UXS1: variants seen among roughly 807,000 people sequenced by gnomAD.
The protein encoded by UXS1 is UDP-glucuronate decarboxylase 1.
In UXS1, 33 loss-of-function variants were observed where a neutral mutation model predicts 62.6. The ratio of observed to expected loss-of-function variants is 0.53; its 90% confidence interval spans 0.40 to 0.70. The LOEUF (loss-of-function observed/expected upper bound fraction) is 0.70. Ranked by LOEUF, UXS1 falls within the 30% of genes least tolerant of loss-of-function variation. The probability of loss-of-function intolerance (pLI) is 0.00; values close to 1 mark genes in which losing one functional copy is unlikely to be tolerated. For synonymous variants in UXS1, 213 were observed against 206.8 expected (o/e 1.03, Z -0.26); for missense variants, 434 against 556.3 (o/e 0.78, Z 2.21).
chr2:106,094,901 A>G (rs1676950359), intron 14 of UXS1, among the ~76,000 whole-genome samples: 1 of 152,254 alleles, frequency 6.6e-6, no homozygotes, highest in Admixed American at 6.5e-5. Context: ...ATGAAAACTT[A>G]TCAAATTGTA....
intron 10 of UXS1, among the ~76,000 whole-genome samples, chr2:106,107,168 T>C (rs1678155916): frequency 6.6e-6 from 1 of 152,162 alleles, no homozygotes; most frequent in South Asian, 2.1e-4. Flanking sequence ...CTCTCAAAGC[T>C]GAGCGCACAG....
At chr2:106,156,550 G>C (rs927877075) in intron 5 of UXS1, among the ~76,000 whole-genome samples, 4 of 152,076 alleles carry the variant, frequency 2.6e-5, no homozygotes, top group Non-Finnish European at 4.4e-5. Context: ...TATCCACAAG[G>C]AATTGGTTCC....
chr2:106,149,972 T>C (rs755406803), intron 5 of UXS1, among the ~76,000 whole-genome samples: 3 of 152,180 alleles, frequency 2.0e-5, no homozygotes, highest in Non-Finnish European at 4.4e-5. Context: ...TGATGAGGTC[T>C]CAGATGGAAA....
intron 6 of UXS1, among the ~76,000 whole-genome samples, chr2:106,130,268 A>C (rs183460387): frequency 6.6e-6 from 1 of 152,156 alleles, no homozygotes; most frequent in East Asian, 1.9e-4. Context: ...GGAGGGAGGG[A>C]GGTTTTTAAA....
At position 106,141,864 on chromosome 2, in the gene UXS1, T is replaced by TG. The variant is rs748708985; in HGVS notation, c.472+3325dup. Among the ~76,000 whole-genome samples the TG allele has an allele frequency of 4.3e-3, 322 of 75,066 alleles. 1 individual carries two copies. The highest frequency in any genetic ancestry group is 7.6e-3 in the Non-Finnish European group (220 of 29,060). 49.2% of individuals were successfully genotyped at this position (75,066 alleles called of 152,430 possible). A position where few individuals can be genotyped will look rare whatever the true frequency, so the allele number is the denominator to read the frequency against. On this transcript the variant is annotated intron_variant, in intron 6 of 14. Transcript: ENST00000283148. ...GAAAACAACTGGATGTTAGCTTCAG[T>TG]GTTTTTTTTTTGGTTTTTTTTTTTG... is the stretch of plus-strand genomic sequence containing the variant.
At chr2:106,142,739 G>C (rs1681219261) in intron 6 of UXS1, among the ~76,000 whole-genome samples, 2 of 152,188 alleles carry the variant, frequency 1.3e-5, no homozygotes, top group Admixed American at 6.5e-5. Flanking sequence ...CCAAGGTTGA[G>C]GACCCGCTGA....
intron 1 of UXS1, among the ~76,000 whole-genome samples, chr2:106,191,415 C>T (rs1684929142): frequency 6.6e-6 from 1 of 152,268 alleles, no homozygotes; most frequent in Admixed American, 6.5e-5. Context: ...TGAGGGACTA[C>T]ATTTTCAGTG....
Position 106,194,223 on chromosome 2 carries a change from G to C in UXS1, c.19C>G (p.Leu7Val). MVSKALLRLVSAVNRRR... is the reference protein window; with the variant it reads MVSKALVRLVSAVNRRR... ...CGGTTGACGGCAGACACGAGGCGCA[G>C]CAGCGCCTTGCTCACCATCCCCGGG... Residue 7 changes from leucine (L) to valine (V), a missense_variant, in exon 1 of 15, where the codon CTG becomes GTG. This residue lies in a region of UXS1 where 91 missense variants were observed against 71.1 expected (regional missense o/e 1.28). Coordinates refer to ENST00000283148, the MANE Select transcript of UXS1 (RefSeq NM_001253875.2). The C allele has an allele frequency of 6.9e-7, 1 of 1,457,196 alleles. No homozygotes were observed. The highest frequency in any genetic ancestry group is 9.1e-7 in the Non-Finnish European group (1 of 1,101,070). 90.3% of individuals were successfully genotyped at this position (1,457,196 alleles called of 1,614,324 possible). A position where few individuals can be genotyped will look rare whatever the true frequency, so the allele number is the denominator to read the frequency against.
At chr2:106,193,486 C>T (rs988038544) in intron 1 of UXS1, among the ~76,000 whole-genome samples, 2 of 152,058 alleles carry the variant, frequency 1.3e-5, no homozygotes, top group African/African-American at 4.8e-5. Context: ...GAAACTGGAC[C>T]CGCGCACAGA....
intron 11 of UXS1, among the ~76,000 whole-genome samples, chr2:106,104,468 T>G (rs1342913461): frequency 6.6e-6 from 1 of 152,224 alleles, no homozygotes; most frequent in East Asian, 1.9e-4. Flanking sequence ...ACAGGTCTGC[T>G]GGATGCAAAA....
At chr2:106,126,795 T>C (rs192838042) in intron 7 of UXS1, among the ~76,000 whole-genome samples, 3 of 152,174 alleles carry the variant, frequency 2.0e-5, no homozygotes, top group African/African-American at 2.4e-5. Flanking sequence ...GACATTGACA[T>C]TGATATGATC....
chr2:106,147,564 C>G (rs1005048433), intron 5 of UXS1, among the ~76,000 whole-genome samples: 5 of 152,142 alleles, frequency 3.3e-5, no homozygotes, highest in African/African-American at 9.7e-5. Flanking sequence ...GCCTGTGTGA[C>G]AGAGAGAGAC....
At chr2:106,166,012 C>G (rs527255973) in intron 2 of UXS1, 44 bp downstream of exon 2, 1 of 1,585,734 alleles carries the variant, frequency 6.3e-7, no homozygotes, top group East Asian at 2.2e-5. Context: ...TGAAATGTGT[C>G]TATAAAATCC....
At position 106,094,096 on chromosome 2, in the gene UXS1, T is replaced by A. The variant is rs1303743853; in HGVS notation, c.1208A>T (p.Gln403Leu). 1.2e-6 allele frequency: 2 copies of A among 1,613,558 alleles called. No individual in the cohort carries two copies. The highest frequency in any genetic ancestry group is 1.7e-6 in the Non-Finnish European group (2 of 1,179,824). Residue 403 changes from glutamine (Q) to leucine (L), a missense_variant, in exon 15 of 15, where the codon CAG (glutamine) becomes CTG (leucine). This residue lies in a region of UXS1 where 209 missense variants were observed against 233.3 expected (regional missense o/e 0.90). Transcript: ENST00000283148. ...TTTGGGGATGTACTGATTATTTGCC[T>A]GGTACTCGAGTTCTTTACGGAAGTA... is the stretch of plus-strand genomic sequence containing the variant. Reference protein sequence around the residue: ...IHYFRKELEYQANNQYIPKPK... With the variant: ...IHYFRKELEYLANNQYIPKPK...
At position 106,194,261 on chromosome 2, in the gene UXS1, C is replaced by G. The variant is rs1274186268; in HGVS notation, c.-20G>C. The G allele has an allele frequency of 7.4e-7, 1 of 1,354,402 alleles. No homozygotes were observed. Among genetic ancestry groups the G allele is most frequent in the East Asian group, 3.4e-5 (1 of 29,534 alleles). The allele number at this position is 1,354,402 out of a possible 1,614,324, so 83.9% of individuals were successfully genotyped here. A position where few individuals can be genotyped will look rare whatever the true frequency, so the allele number is the denominator to read the frequency against. ...CACCATCCCCGGGAGCCGCGCGGGT[C>G]CAGGGCCCTACCGCGCGGGGGCCCG... On this transcript the variant is annotated 5_prime_UTR_variant, in exon 1 of 15. Transcript: ENST00000283148.
intron 1 of UXS1, among the ~76,000 whole-genome samples, chr2:106,168,715 C>T (rs1258846367): frequency 1.3e-5 from 2 of 152,128 alleles, no homozygotes; most frequent in Non-Finnish European, 2.9e-5. Context: ...AGGAATAAGC[C>T]AAAATATCCC....
At chr2:106,104,042 T>C (rs922280109) in intron 11 of UXS1, among the ~76,000 whole-genome samples, 1 of 152,212 alleles carries the variant, frequency 6.6e-6, no homozygotes, top group Non-Finnish European at 1.5e-5. Context: ...CACTTCCTGA[T>C]TGACAGGCAT....
At chr2:106,130,855 T>C (rs1315114096) in intron 6 of UXS1, among the ~76,000 whole-genome samples, 1 of 152,126 alleles carries the variant, frequency 6.6e-6, no homozygotes, top group Non-Finnish European at 1.5e-5. Flanking sequence ...TTCATTCATA[T>C]ATATATATTT....
intron 1 of UXS1, among the ~76,000 whole-genome samples, chr2:106,172,180 C>T (rs974367630): frequency 2.0e-5 from 3 of 152,190 alleles, no homozygotes; most frequent in African/African-American, 7.2e-5. Flanking sequence ...CCTGAGAGGG[C>T]GTGGAGAACC....
Sources: allele counts gnomAD v4.1 joint callset (sites outside exome capture counted in the v4.1 genomes callset), GRCh38; gene constraint gnomAD v4.1.1; regional missense constraint gnomAD v4.1.1; transcripts MANE v1.5; gene names NCBI Gene and HGNC (gene_info 2026-07-23, HGNC 2026-07-21).